Variants in EYS observed in about 807,000 individuals in gnomAD.
EYS encodes EGF-like photoreceptor maintenance factor, also known as protein eyes shut homolog.
EYS carries 250 observed loss-of-function variants against 282.1 expected under a neutral mutation model. That is an observed-to-expected ratio of 0.89 (90% CI 0.80 to 0.98). The LOEUF is 0.98. EYS is among the 50% of genes least tolerant of loss of function. EYS has a pLI of 0.00. For synonymous variants in EYS, 1,355 were observed against 1,282.9 expected, an observed-to-expected ratio of 1.06 and a Z score of -1.20; for missense variants, 4,016 against 3,709.0, an observed-to-expected ratio of 1.08 and a Z score of -2.15.
chr6:64,535,119 G>A (rs1000319346), intron 26 of EYS, among the ~76,000 whole-genome samples: 1 of 152,006 alleles, frequency 6.6e-6, no homozygotes, highest in African/African-American at 2.4e-5. Context: ...CAACCTTTAT[G>A]TGAGTTGGCA....
At chr6:65,468,644 G>A (rs183080032) in intron 5 of EYS, among the ~76,000 whole-genome samples, 2 of 151,656 alleles carry the variant, frequency 1.3e-5, no homozygotes, top group African/African-American at 4.8e-5. Flanking sequence ...TGGTTAATTC[G>A]AACAAAAGTT....
At chr6:63,881,882 T>C (rs1331908823) in intron 35 of EYS, among the ~76,000 whole-genome samples, 1 of 152,196 alleles carries the variant, frequency 6.6e-6, no homozygotes, top group Non-Finnish European at 1.5e-5. Flanking sequence ...AAGGAATTGT[T>C]TGCTAGTTTA....
intron 31 of EYS, among the ~76,000 whole-genome samples, chr6:64,194,969 C>T (rs1765237909): frequency 6.6e-6 from 1 of 152,094 alleles, no homozygotes; most frequent in African/African-American, 2.4e-5. Context: ...ACACAATGAC[C>T]TTAAAACATT....
At chr6:64,739,739 T>A (rs2149959826) in intron 22 of EYS, among the ~76,000 whole-genome samples, 1 of 152,232 alleles carries the variant, frequency 6.6e-6, no homozygotes, top group Admixed American at 6.5e-5. Context: ...GTAAGGACCT[T>A]AAAACAATAC....
chr6:65,180,016 T>TA (rs903144955), intron 12 of EYS, among the ~76,000 whole-genome samples: 2 of 152,020 alleles, frequency 1.3e-5, no homozygotes, highest in Non-Finnish European at 2.9e-5. Context: ...ACCTTCATGC[T>TA]AAAAAATCTC....
intron 29 of EYS, among the ~76,000 whole-genome samples, chr6:64,349,108 A>G (rs1289861827): frequency 2.0e-5 from 3 of 151,454 alleles, no homozygotes; most frequent in Non-Finnish European, 4.4e-5. Flanking sequence ...TTTCATCAAC[A>G]TCAGCAAATT....
At chr6:64,773,684 G>A (rs1773592749) in intron 22 of EYS, among the ~76,000 whole-genome samples, 1 of 151,814 alleles carries the variant, frequency 6.6e-6, no homozygotes, top group Admixed American at 6.6e-5. Flanking sequence ...GTTGTGAGAT[G>A]GTATCTCATT....
intron 35 of EYS, among the ~76,000 whole-genome samples, chr6:63,931,246 A>G (rs1467091185): frequency 1.3e-5 from 2 of 152,088 alleles, no homozygotes; most frequent in Non-Finnish European, 1.5e-5. Context: ...TCCTGAATTT[A>G]CTTCCTTGAG....
At chr6:64,502,997 C>T (rs900284158) in intron 26 of EYS, among the ~76,000 whole-genome samples, 2 of 152,170 alleles carry the variant, frequency 1.3e-5, no homozygotes, top group African/African-American at 4.8e-5. Context: ...AACTTCCTTC[C>T]TCTTGCCAAA....
chr6:63,887,681 G>A (rs558551093), intron 35 of EYS, among the ~76,000 whole-genome samples: 42 of 152,300 alleles, frequency 2.8e-4, no homozygotes, highest in Non-Finnish European at 5.1e-4. Flanking sequence ...AGATTCCCTC[G>A]GGTGCCCACG....
chr6:65,515,155 G>T (rs1171751207), intron 2 of EYS, among the ~76,000 whole-genome samples: 1 of 152,082 alleles, frequency 6.6e-6, no homozygotes, highest in Non-Finnish European at 1.5e-5. Context: ...CTTCTCAAAA[G>T]AAGACATTTA....
chr6:64,595,892 A>G (rs1454951867), intron 24 of EYS, among the ~76,000 whole-genome samples: 4 of 152,144 alleles, frequency 2.6e-5, no homozygotes, highest in Admixed American at 2.6e-4. Flanking sequence ...AATATCTGAG[A>G]CTGGGTATTT....
At chr6:64,033,981 A>AT (rs1163133411) in intron 33 of EYS, among the ~76,000 whole-genome samples, 2 of 152,166 alleles carry the variant, frequency 1.3e-5, no homozygotes, top group Admixed American at 6.5e-5. Context: ...AGTATAGTCT[A>AT]ATTTGTCAGG....
intron 1 of EYS, among the ~76,000 whole-genome samples, chr6:65,654,040 A>T (rs16897003): frequency 0.051 from 7,709 of 152,002 alleles, 603 homozygotes; most frequent in African/African-American, 0.17. Context: ...TGATATAAAA[A>T]GTTATAGGAT....
intron 35 of EYS, among the ~76,000 whole-genome samples, chr6:63,878,681 C>T (rs375679213): frequency 3.3e-5 from 5 of 152,168 alleles, no homozygotes; most frequent in African/African-American, 1.2e-4. Context: ...CCATGGCAGA[C>T]GCCCCTCCCC....
intron 29 of EYS, among the ~76,000 whole-genome samples, chr6:64,384,780 T>C (rs996748231): frequency 1.3e-5 from 2 of 152,136 alleles, no homozygotes; most frequent in Non-Finnish European, 2.9e-5. Flanking sequence ...AAGCAGAGTT[T>C]TTCACACCCC....
intron 2 of EYS, among the ~76,000 whole-genome samples, chr6:65,596,492 A>T (rs1399548478): frequency 2.0e-5 from 3 of 152,230 alleles, no homozygotes; most frequent in Admixed American, 6.6e-5. Flanking sequence ...TGTAAATGCA[A>T]CATATGTGCA....
intron 12 of EYS, among the ~76,000 whole-genome samples, chr6:65,143,172 A>G (rs1279557308): frequency 2.6e-5 from 4 of 152,086 alleles, no homozygotes; most frequent in Non-Finnish European, 5.9e-5. Flanking sequence ...ATACTCATGC[A>G]ATGGAATACT....
intron 26 of EYS, among the ~76,000 whole-genome samples, chr6:64,509,146 G>A (rs763399409): frequency 6.6e-6 from 1 of 152,052 alleles, no homozygotes; most frequent in Non-Finnish European, 1.5e-5. Flanking sequence ...TACAAACACA[G>A]AGCTGTGACA....
Sources: gnomAD v4.1 joint callset for allele counts (sites outside exome capture counted in the v4.1 genomes callset) on GRCh38, gnomAD v4.1.1 for gene constraint, MANE v1.5 for transcripts, NCBI Gene and HGNC (gene_info 2026-07-23, HGNC 2026-07-21) for gene names.